GNAS: variants seen among roughly 807,000 people sequenced by gnomAD.
The protein encoded by GNAS is GNAS complex locus, also known as protein ALEX.
In GNAS, 8 loss-of-function variants were observed where a neutral mutation model predicts 54.5. The ratio of observed to expected loss-of-function variants is 0.15; its 90% CI spans 0.09 to 0.26. The LOEUF (loss-of-function observed/expected upper bound fraction) is 0.26, where lower values mean the gene tolerates loss of function less well. Ranked by LOEUF, GNAS falls within the 10% of genes least tolerant of loss-of-function variation. The pLI, the probability that GNAS is intolerant of heterozygous loss-of-function variation, is 1.00. For missense variants in GNAS, 170 were observed against 529.8 expected (o/e 0.32, Z 6.67); for synonymous variants, 204 against 191.4 (o/e 1.07, Z -0.54).
In GNAS at chr20:58,909,999, G is replaced by T. The variant is rs760026760; in HGVS notation, c.888G>T (p.Leu296=). 6.2e-7 allele frequency: 1 copy of T among 1,613,338 alleles called. No individual in the cohort carries two copies. ...SVILFLNKQD[L]LAEKVLAGKS... ...TCCTGTTCCTCAACAAGCAAGATCTGCTCGCTGAGAAAGTCCTTGCTGGGA... is the reference window on the plus strand; with the variant it reads ...TCCTGTTCCTCAACAAGCAAGATCTTCTCGCTGAGAAAGTCCTTGCTGGGA... The change falls in exon 11 of 13, where the codon CTG becomes CTT. Residue 296 remains leucine (L), a synonymous_variant. Coordinates refer to ENST00000371085, the MANE Select transcript of GNAS (RefSeq NM_000516.7). This position sits in a 1 kb window ranked among gnomAD's most constrained non-coding sequence, Gnocchi z 7.3.
intron 5 of GNAS, among the ~76,000 whole-genome samples, chr20:58,904,504 G>A (rs1569018484): frequency 6.6e-6 from 1 of 152,230 alleles, no homozygotes; most frequent in Non-Finnish European, 1.5e-5. Flanking sequence ...AAGCATATAA[G>A]TTTAGGCCCC....
At chr20:58,862,853 C>A (rs1230029911) in intron 1 of GNAS, among the ~76,000 whole-genome samples, 1 of 151,714 alleles carries the variant, frequency 6.6e-6, no homozygotes, top group Non-Finnish European at 1.5e-5. Context: ...GTCACCCCTG[C>A]CTATCCAGCT....
intron 1 of GNAS, among the ~76,000 whole-genome samples, chr20:58,871,629 A>G (rs1337409406): frequency 7.0e-6 from 1 of 142,678 alleles, no homozygotes; most frequent in Admixed American, 7.1e-5. Context: ...AAAAAAAAAA[A>G]CAAACAACAA....
In GNAS at chr20:58,896,063, C is replaced by T. The variant is rs115389348; in HGVS notation, c.212+379C>T. On this transcript the variant is annotated intron_variant, in intron 2 of 12. Transcript: ENST00000371085. ...TTCAACGTGGCTTTGGCCGCCCCCT[C>T]GTCCGGCCCACGCTGATCACTGCAA... is the stretch of plus-strand genomic sequence containing the variant. Among the ~76,000 whole-genome samples, 1,158 of 152,286 alleles carry T rather than the reference C, an allele frequency of 7.6e-3. 13 individuals carry two copies. The highest frequency in any genetic ancestry group is 0.026 in the African/African-American group (1,090 of 41,562).
In GNAS at chr20:58,909,910, C is replaced by T. The variant is rs749417376; in HGVS notation, c.840-41C>T. The T allele has an allele frequency of 9.3e-6, 15 of 1,613,436 alleles. No individual in the cohort carries two copies. In the East Asian group the frequency reaches 1.3e-4, roughly 14 times the overall value. ...AGCATTCCAGACCCCTGGCCGAAAG[C>T]GCGCTTCTCCCAAGCATTCACACGG... On this transcript the variant is annotated intron_variant, in intron 10 of 12. Transcript: ENST00000371085. The surrounding 1 kb of genome is among the most constrained non-coding windows in gnomAD (Gnocchi z 7.3).
chr20:58,865,723 G>C (rs954725220), intron 1 of GNAS, among the ~76,000 whole-genome samples: 12 of 151,588 alleles, frequency 7.9e-5, no homozygotes, highest in Non-Finnish European at 1.5e-4. Flanking sequence ...TTACAGGCAT[G>C]AGCCACCGTG....
chr20:58,855,385 A>C, intron 1 of GNAS: 3 of 1,287,994 alleles, frequency 2.3e-6, no homozygotes, highest in Non-Finnish European at 3.2e-6. Flanking sequence ...GGAACCGGGG[A>C]GGGGGTGGCA....
At position 58,841,414 on chromosome 20, in the gene GNAS, A is replaced by C. The variant is rs2085721502; in HGVS notation, c.43+528A>C. The C allele has an allele frequency of 1.0e-6, 1 of 995,792 alleles. No homozygotes were observed. The highest frequency in any genetic ancestry group is 1.2e-6 in the Non-Finnish European group (1 of 836,322). 61.7% of individuals were successfully genotyped at this position (995,792 alleles called of 1,614,324 possible). ...GAATGGGAATGGGCGAGAACTCTAG[A>C]GACTGACCACCCGGGAGGGAAGTCA... On this transcript the variant is annotated intron_variant, in intron 1 of 12. Coordinates refer to the GNAS transcript ENST00000306090. The surrounding 1 kb of genome is among the most constrained non-coding windows in gnomAD (Gnocchi z 5.0).
chr20:58,848,202 G>C (rs1418449794), intron 1 of GNAS, among the ~76,000 whole-genome samples: 3 of 152,162 alleles, frequency 2.0e-5, no homozygotes, highest in Non-Finnish European at 4.4e-5. Context: ...TTTTTAAGTA[G>C]CCAAGTATAC....
At chr20:58,905,522 A>G in intron 6 of GNAS, 42 bp downstream of exon 6, 1 of 1,029,334 alleles carries the variant, frequency 9.7e-7, no homozygotes, top group Non-Finnish European at 1.5e-6. Context: ...TAAAACAGAC[A>G]AAAACAAGAA....
intron 6 of GNAS, among the ~76,000 whole-genome samples, chr20:58,908,100 T>G (rs527738292): frequency 6.6e-6 from 1 of 152,320 alleles, no homozygotes; most frequent in East Asian, 1.9e-4. Context: ...TCTGAACTAG[T>G]AAAAAGGAAG....
chr20:58,889,221 G>GT (rs1249473061), upstream of GNAS: 366 of 965,950 alleles, frequency 3.8e-4, no homozygotes, highest in Admixed American at 9.1e-4. Flanking sequence ...CAGGTGGCTG[G>GT]CCGGCGCGGC....
intron 1 of GNAS, chr20:58,854,419 C>G: frequency 6.4e-7 from 1 of 1,569,586 alleles, no homozygotes; most frequent in Non-Finnish European, 8.6e-7. Flanking sequence ...GCCGCCGGGG[C>G]AGCCTCAGCG....
intron 6 of GNAS, among the ~76,000 whole-genome samples, chr20:58,907,600 T>A (rs2091160704): frequency 6.6e-6 from 1 of 152,214 alleles, no homozygotes; most frequent in Non-Finnish European, 1.5e-5. Flanking sequence ...TTTTGTCGGG[T>A]TTCGTTTTCT....
At chr20:58,861,753 T>C (rs1252427215) in intron 1 of GNAS, among the ~76,000 whole-genome samples, 1 of 152,238 alleles carries the variant, frequency 6.6e-6, no homozygotes. Flanking sequence ...TTGCGCAGGC[T>C]GGAGTGCAGT....
At chr20:58,907,708 A>T (rs1009461069) in intron 6 of GNAS, among the ~76,000 whole-genome samples, 2 of 152,216 alleles carry the variant, frequency 1.3e-5, no homozygotes, top group African/African-American at 4.8e-5. Context: ...AGATCATGAA[A>T]AGTTTTAAGG....
chr20:58,860,070 A>G (rs987661303), intron 1 of GNAS, among the ~76,000 whole-genome samples: 1 of 152,270 alleles, frequency 6.6e-6, no homozygotes, highest in African/African-American at 2.4e-5. Context: ...ATGTGCTCTT[A>G]AAATCCCTTG....
At chr20:58,895,935 A>C (rs2090004063) in intron 2 of GNAS, among the ~76,000 whole-genome samples, 1 of 152,122 alleles carries the variant, frequency 6.6e-6, no homozygotes, top group Non-Finnish European at 1.5e-5. Flanking sequence ...TATCCCAAGA[A>C]AATCGTGCCT....
intron 6 of GNAS, among the ~76,000 whole-genome samples, chr20:58,907,302 G>GA (rs2091127747): frequency 6.6e-6 from 1 of 152,146 alleles, no homozygotes; most frequent in Admixed American, 6.5e-5. Flanking sequence ...TCAAGGAACA[G>GA]AAAAAAACAG....
Sources: allele counts gnomAD v4.1 joint callset (sites outside exome capture counted in the v4.1 genomes callset), GRCh38; gene constraint gnomAD v4.1.1; non-coding constraint Gnocchi (gnomAD v3.1); transcripts MANE v1.5; gene names NCBI Gene and HGNC (gene_info 2026-07-23, HGNC 2026-07-21).